CECR2: variants seen among roughly 807,000 people sequenced by gnomAD.
CECR2 encodes chromatin remodeling regulator CECR2.
CECR2 carries 30 observed loss-of-function variants against 154.5 expected under a neutral mutation model. The observed-to-expected ratio is 0.19, with a 90% CI of 0.15 to 0.26. CECR2 has a LOEUF of 0.26. Ranked by LOEUF, CECR2 falls within the 10% of genes least tolerant of loss-of-function variation. The pLI is 1.00. For missense variants in CECR2, 1,743 were observed against 1,829.3 expected, an observed-to-expected ratio of 0.95 and a Z score of 0.86; for synonymous variants, 725 against 683.7, an observed-to-expected ratio of 1.06 and a Z score of -0.94.
At chr22:17,453,490 G>GA (rs1366027849) in intron 1 of CECR2, among the ~76,000 whole-genome samples, 2 of 152,100 alleles carry the variant, frequency 1.3e-5, no homozygotes, top group African/African-American at 4.8e-5. Flanking sequence ...ATGTGGATTT[G>GA]AAAAATTAAT....
Position 17,401,583 on chromosome 22 carries a change from TTGTTCC to T in CECR2, c.126+31680_126+31685del, listed in dbSNP as rs372546112. On this transcript the variant is annotated intron_variant, in intron 1 of 18. Transcript: ENST00000262608. The stretch of plus-strand genomic sequence containing the variant: ...ACATGAGATATACGCTCTTTTGATG[TTGTTCC>T]TGTTCGTTCTACTCAGTGTAAATGG... Among the ~76,000 whole-genome samples the T allele has an allele frequency of 2.1e-3, 322 of 152,322 alleles. 1 individual carries two copies. Among genetic ancestry groups the T allele is most frequent in the African/African-American group, 7.3e-3 (304 of 41,566 alleles).
At position 17,548,217 on chromosome 22, in the gene CECR2, A is replaced by T; in HGVS notation, c.2930A>T (p.Gln977Leu). ...ACTTCAGAGGGGGTCTACCTCACAC[A>T]ACTACCTCACCCCACACCTCCCCTG... ...VGTSEGVYLTQLPHPTPPLQT... is the reference protein window; with the variant it reads ...VGTSEGVYLTLLPHPTPPLQT... Residue 977 changes from glutamine (Q) to leucine (L), a missense_variant, in exon 17 of 19, where the codon CAA (glutamine) becomes CTA (leucine). Coordinates refer to ENST00000262608, the MANE Select transcript of CECR2 (RefSeq NM_001290047.2). 2 of 1,594,878 alleles carry T rather than the reference A, an allele frequency of 1.3e-6. No homozygotes were observed. Among genetic ancestry groups the T allele is most frequent in the South Asian group, 1.1e-5 (1 of 88,108 alleles).
chr22:17,382,609 T>G (rs2063211595), intron 1 of CECR2, among the ~76,000 whole-genome samples: 1 of 152,188 alleles, frequency 6.6e-6, no homozygotes. Flanking sequence ...ATACCTTAAT[T>G]AAAAAATATT....
intron 1 of CECR2, among the ~76,000 whole-genome samples, chr22:17,374,361 C>G (rs1032452029): frequency 1.3e-5 from 2 of 152,010 alleles, no homozygotes; most frequent in Non-Finnish European, 2.9e-5. Flanking sequence ...TAATCAAGTG[C>G]TGAATGCATG....
chr22:17,455,478 C>T (rs527509857), intron 1 of CECR2, among the ~76,000 whole-genome samples: 1 of 152,300 alleles, frequency 6.6e-6, no homozygotes, highest in East Asian at 1.9e-4. Context: ...TTCATCTTTT[C>T]TCCTCCCTAC....
intron 1 of CECR2, among the ~76,000 whole-genome samples, chr22:17,410,654 G>T (rs2054055109): frequency 6.6e-6 from 1 of 152,054 alleles, no homozygotes; most frequent in Non-Finnish European, 1.5e-5. Context: ...CACTATGTTG[G>T]CCAGGCTGGT....
chr22:17,514,359 A>T (rs1404731456), intron 8 of CECR2, among the ~76,000 whole-genome samples: 1 of 152,136 alleles, frequency 6.6e-6, no homozygotes, highest in Non-Finnish European at 1.5e-5. Context: ...AGGGCACAGC[A>T]TGTTGGGCAT....
At chr22:17,510,565 G>A (rs987764970) in intron 7 of CECR2, among the ~76,000 whole-genome samples, 1 of 151,962 alleles carries the variant, frequency 6.6e-6, no homozygotes, top group African/African-American at 2.4e-5. Flanking sequence ...TTTGATAATT[G>A]GGCTTGCATT....
At chr22:17,434,048 A>C (rs921229616) in intron 1 of CECR2, among the ~76,000 whole-genome samples, 24 of 152,232 alleles carry the variant, frequency 1.6e-4, no homozygotes, top group Non-Finnish European at 3.1e-4. Context: ...TCATTTAGTC[A>C]GACCTTTTCC....
At chr22:17,541,666 A>T (rs1032311707) in intron 14 of CECR2, among the ~76,000 whole-genome samples, 173 bp from the exon 15 acceptor site, 1 of 152,212 alleles carries the variant, frequency 6.6e-6, no homozygotes, top group Non-Finnish European at 1.5e-5. Context: ...TCAGGCTCAT[A>T]GGCAAGCCCT....
chr22:17,400,735 G>T (rs1016070065), intron 1 of CECR2, among the ~76,000 whole-genome samples: 10 of 152,052 alleles, frequency 6.6e-5, no homozygotes, highest in African/African-American at 2.2e-4. Flanking sequence ...ATAGTTTGTT[G>T]GCAGGATCCC....
In CECR2 at chr22:17,462,329, C is replaced by A. The variant is rs1601399024; in HGVS notation, c.127-15259C>A. ...TGAGCAAAGATCGTGCCACTGCACT[C>A]CAGGCTGGGCAACTGAGCGAGACTC... On this transcript the variant is annotated intron_variant, in intron 1 of 18. Coordinates refer to ENST00000262608, the MANE Select transcript of CECR2 (RefSeq NM_001290047.2). Among the ~76,000 whole-genome samples the A allele has an allele frequency of 2.0e-5, 3 of 151,814 alleles. No individual in the cohort carries two copies. In the East Asian group the frequency reaches 5.9e-4, roughly 30 times the overall value.
chr22:17,545,279 T>G (rs1441428042), intron 16 of CECR2, among the ~76,000 whole-genome samples: 2 of 141,754 alleles, frequency 1.4e-5, no homozygotes, highest in Non-Finnish European at 1.5e-5. Context: ...GGAGGCTGGG[T>G]CATGAGAATC....
chr22:17,512,503 G>C (rs2055975566), intron 8 of CECR2, among the ~76,000 whole-genome samples: 1 of 151,996 alleles, frequency 6.6e-6, no homozygotes, highest in Non-Finnish European at 1.5e-5. Flanking sequence ...ACGAGTTCAA[G>C]ACCAGCCTGG....
intron 1 of CECR2, among the ~76,000 whole-genome samples, chr22:17,383,191 C>T (rs575630649): frequency 1.3e-5 from 2 of 152,284 alleles, no homozygotes; most frequent in Admixed American, 6.5e-5. Context: ...TGTCACTGCA[C>T]TCTAGCCTGG....
intron 1 of CECR2, among the ~76,000 whole-genome samples, chr22:17,364,431 A>G (rs1292701492): frequency 1.3e-5 from 2 of 151,004 alleles, no homozygotes; most frequent in Non-Finnish European, 2.9e-5. Context: ...TTTATACTAC[A>G]CTCTCCTGGT....
rs1333888221 is a variant in CECR2, at chr22:17,555,450, T to C, written c.*2610T>C. 6.6e-6 allele frequency: 1 copy of C among 152,236 alleles called. No homozygotes were observed. Among genetic ancestry groups the C allele is most frequent in the Admixed American group, 6.5e-5 (1 of 15,272 alleles). The allele number at this position is 152,236 out of a possible 1,614,324, so 9.4% of individuals were successfully genotyped here. A position where few individuals can be genotyped will look rare whatever the true frequency, so the allele number is the denominator to read the frequency against. Reference sequence around the variant, plus strand: ...CCATTGTCCAGGGAGTGTCCTGAGCTTTCACTGGTCTTTGAAGTGCAGATC... The same window carrying C: ...CCATTGTCCAGGGAGTGTCCTGAGCCTTCACTGGTCTTTGAAGTGCAGATC... On this transcript the variant is annotated 3_prime_UTR_variant, in exon 19 of 19. Coordinates refer to ENST00000262608, the MANE Select transcript of CECR2 (RefSeq NM_001290047.2).
intron 1 of CECR2, among the ~76,000 whole-genome samples, chr22:17,423,160 G>A (rs1351616191): frequency 6.6e-6 from 1 of 152,136 alleles, no homozygotes; most frequent in Non-Finnish European, 1.5e-5. Context: ...AAAGCAGGAA[G>A]CGTTCTTTAG....
intron 2 of CECR2, among the ~76,000 whole-genome samples, chr22:17,481,977 G>A (rs751206568): frequency 5.9e-5 from 9 of 151,616 alleles, no homozygotes; most frequent in East Asian, 3.9e-4. Context: ...GTAGCCGGGC[G>A]TGGTGGCGGC....
Sources: gnomAD v4.1 joint callset for allele counts (sites outside exome capture counted in the v4.1 genomes callset) on GRCh38, gnomAD v4.1.1 for gene constraint, MANE v1.5 for transcripts, NCBI Gene and HGNC (gene_info 2026-07-23, HGNC 2026-07-21) for gene names.